Variants in PTPRN2 observed in about 807,000 individuals in gnomAD.
PTPRN2 encodes protein tyrosine phosphatase receptor type N2, also known as receptor-type tyrosine-protein phosphatase N2.
PTPRN2 carries 74 observed loss-of-function variants against 118.8 expected under a neutral mutation model. The ratio of observed to expected loss-of-function variants is 0.62; its 90% CI spans 0.52 to 0.76. The LOEUF (loss-of-function observed/expected upper bound fraction) is 0.76, where lower values mean the gene tolerates loss of function less well. Among genes scored for constraint, PTPRN2 ranks in the 30% least tolerant of loss-of-function variants. The pLI is 0.00. For synonymous variants in PTPRN2, 641 were observed against 608.0 expected, an observed-to-expected ratio of 1.05 and a Z score of -0.80; for missense variants, 1,481 against 1,394.4, an observed-to-expected ratio of 1.06 and a Z score of -0.99.
intron 1 of PTPRN2, among the ~76,000 whole-genome samples, chr7:158,539,040 C>T (rs962391416): frequency 1.3e-5 from 2 of 152,142 alleles, no homozygotes; most frequent in South Asian, 2.1e-4. Context: ...CTGGAGGGAA[C>T]GACAACTGCA....
chr7:158,366,991 G>A (rs1370779206), intron 2 of PTPRN2, among the ~76,000 whole-genome samples: 1 of 152,188 alleles, frequency 6.6e-6, no homozygotes, highest in Non-Finnish European at 1.5e-5. Flanking sequence ...ACCCAGGACT[G>A]GAAAAGCATA....
intron 12 of PTPRN2, among the ~76,000 whole-genome samples, chr7:157,687,416 G>A (rs1797252030): frequency 6.6e-6 from 1 of 152,190 alleles, no homozygotes; most frequent in South Asian, 2.1e-4. Flanking sequence ...TCTGAGTCAC[G>A]ATGTGCAGTA....
chr7:158,454,093 T>C (rs1733173), intron 2 of PTPRN2, among the ~76,000 whole-genome samples: 1 of 130,616 alleles, frequency 7.7e-6, no homozygotes, highest in Admixed American at 7.5e-5. Context: ...GGATTGGGGA[T>C]GGTTGCTATG....
intron 2 of PTPRN2, among the ~76,000 whole-genome samples, chr7:158,380,188 T>G (rs764635312): frequency 4.6e-5 from 7 of 152,044 alleles, no homozygotes; most frequent in Non-Finnish European, 1.0e-4. Context: ...AATCATATCT[T>G]CCCAACAGCC....
intron 9 of PTPRN2, among the ~76,000 whole-genome samples, chr7:158,118,402 G>T (rs989612911): frequency 6.6e-6 from 1 of 151,972 alleles, no homozygotes; most frequent in Non-Finnish European, 1.5e-5. Flanking sequence ...TACATAATAC[G>T]TACAAAAAGA....
chr7:157,795,400 C>T (rs192496836), intron 12 of PTPRN2, among the ~76,000 whole-genome samples: 40 of 152,360 alleles, frequency 2.6e-4, no homozygotes, highest in African/African-American at 9.4e-4. Context: ...GCCTCAGCAC[C>T]GTCTGTTTGC....
chr7:158,338,330 CCCGCAG>C (rs1806088992), intron 2 of PTPRN2, among the ~76,000 whole-genome samples: 1 of 38,636 alleles, frequency 2.6e-5, no homozygotes, highest in South Asian at 1.6e-3. Flanking sequence ...AGAGCTGACA[CCCGCAG>C]ACGTCACTCA....
At chr7:157,713,355 G>A (rs2150895512) in intron 12 of PTPRN2, among the ~76,000 whole-genome samples, 1 of 152,220 alleles carries the variant, frequency 6.6e-6, no homozygotes, top group East Asian at 1.9e-4. Flanking sequence ...GAACCCCTTT[G>A]CACTTAATCT....
intron 12 of PTPRN2, chr7:157,854,402 G>C (rs1809527127): frequency 6.6e-6 from 1 of 152,384 alleles, no homozygotes; most frequent in Non-Finnish European, 1.5e-5. Flanking sequence ...GCTCCTCATG[G>C]GGCCAAAGAG....
At chr7:157,879,352 C>T (rs1359372935) in intron 12 of PTPRN2, among the ~76,000 whole-genome samples, 1 of 152,190 alleles carries the variant, frequency 6.6e-6, no homozygotes, top group Non-Finnish European at 1.5e-5. Flanking sequence ...AACACGCACA[C>T]CCAAACACAC....
intron 14 of PTPRN2, among the ~76,000 whole-genome samples, chr7:157,641,164 A>T (rs540860450): frequency 1.3e-5 from 2 of 152,318 alleles, no homozygotes; most frequent in African/African-American, 4.8e-5. Flanking sequence ...AGAAATGTGA[A>T]CTCCAGATAT....
intron 11 of PTPRN2, among the ~76,000 whole-genome samples, chr7:158,009,386 G>T (rs770524662): frequency 7.9e-5 from 12 of 152,032 alleles, no homozygotes; most frequent in Non-Finnish European, 1.6e-4. Context: ...ATAGCAACTT[G>T]TTCTTATCCA....
chr7:157,863,534 C>T (rs942244687), intron 12 of PTPRN2: 6 of 152,106 alleles, frequency 3.9e-5, no homozygotes, highest in Non-Finnish European at 7.4e-5. Context: ...AACTGGTTTT[C>T]AAAAGAAAAA....
intron 6 of PTPRN2, among the ~76,000 whole-genome samples, chr7:158,139,121 T>A (rs575792725): frequency 6.6e-6 from 1 of 152,138 alleles, no homozygotes; most frequent in Admixed American, 6.5e-5. Flanking sequence ...GGCCCCCACT[T>A]CACACAAGCA....
At chr7:157,961,559 G>A (rs947323788) in intron 11 of PTPRN2, among the ~76,000 whole-genome samples, 11 of 151,716 alleles carry the variant, frequency 7.3e-5, no homozygotes, top group Admixed American at 3.3e-4. Context: ...ATAAAAAGTC[G>A]ATTAAAACAA....
At chr7:157,877,563 GT>G (rs1795853804) in intron 12 of PTPRN2, among the ~76,000 whole-genome samples, 1 of 152,166 alleles carries the variant, frequency 6.6e-6, no homozygotes, top group Non-Finnish European at 1.5e-5. Flanking sequence ...CCTACCCAGG[GT>G]TTCCTCGGGG....
chr7:158,244,716 G>A (rs2150867247), intron 3 of PTPRN2, among the ~76,000 whole-genome samples: 1 of 95,542 alleles, frequency 1.0e-5, no homozygotes, highest in East Asian at 3.4e-4. Flanking sequence ...TGTGAGTTGT[G>A]TTAGAGTGAA....
chr7:158,261,861 C>G (rs1281958292), intron 3 of PTPRN2, among the ~76,000 whole-genome samples: 1 of 152,220 alleles, frequency 6.6e-6, no homozygotes, highest in South Asian at 2.1e-4. Context: ...GACGGGGCTT[C>G]CCGTTATTTC....
At chr7:158,363,823 A>T (rs1386433349) in intron 2 of PTPRN2, among the ~76,000 whole-genome samples, 1 of 152,182 alleles carries the variant, frequency 6.6e-6, no homozygotes, top group Non-Finnish European at 1.5e-5. Flanking sequence ...CTGGCAGGTC[A>T]GGGAGAGGAG....
Sources: allele counts gnomAD v4.1 joint callset (sites outside exome capture counted in the v4.1 genomes callset), GRCh38; gene constraint gnomAD v4.1.1; transcripts MANE v1.5; gene names NCBI Gene and HGNC (gene_info 2026-07-23, HGNC 2026-07-21).